UBR2: variants seen among roughly 807,000 people sequenced by gnomAD.
The protein encoded by UBR2 is E3 ubiquitin-protein ligase UBR2.
In UBR2, 92 loss-of-function variants were observed where a neutral mutation model predicts 247.9. The observed-to-expected ratio is 0.37, with a 90% CI of 0.31 to 0.44. The LOEUF is 0.44. UBR2 is among the 20% of genes least tolerant of loss of function. UBR2 has a pLI of 1.00. For missense variants in UBR2, 1,613 were observed against 2,112.6 expected (o/e 0.76, Z 4.64); for synonymous variants, 672 against 693.5 (o/e 0.97, Z 0.49).
intron 1 of UBR2, among the ~76,000 whole-genome samples, chr6:42,568,159 T>C (rs1790892989): frequency 6.6e-6 from 1 of 152,228 alleles, no homozygotes; most frequent in Non-Finnish European, 1.5e-5. Flanking sequence ...TATTGAGATA[T>C]AACTCACATA....
At chr6:42,632,958 C>CTTTTTTTTTTTTTTTTTA (rs1795847745) in intron 13 of UBR2, 54 bp downstream of exon 13, 1 of 610,588 alleles carries the variant, frequency 1.6e-6, no homozygotes, top group African/African-American at 2.6e-5. Flanking sequence ...TCTCTTTTCT[C>CTTTTTTTTTTTTTTTTTA]TTTTTTTTTT....
intron 1 of UBR2, among the ~76,000 whole-genome samples, chr6:42,572,986 G>C (rs887579406): frequency 1.2e-4 from 18 of 152,074 alleles, no homozygotes; most frequent in African/African-American, 4.3e-4. Flanking sequence ...AAGCTTTTCA[G>C]ATTTTTCGGT....
intron 2 of UBR2, among the ~76,000 whole-genome samples, chr6:42,575,108 T>G (rs1791422903): frequency 1.3e-5 from 2 of 152,358 alleles, no homozygotes; most frequent in South Asian, 4.1e-4. Flanking sequence ...AATTTTCTTT[T>G]CTGTATTTAA....
intron 30 of UBR2, 26 bp from the exon 31 acceptor site, chr6:42,662,158 T>G (rs1455343184): frequency 6.9e-7 from 1 of 1,439,832 alleles, no homozygotes; most frequent in Non-Finnish European, 9.6e-7. Context: ...CACTTTTGTT[T>G]TGTTTTGTTT....
intron 2 of UBR2, among the ~76,000 whole-genome samples, chr6:42,581,140 A>G (rs1791869617): frequency 6.6e-6 from 1 of 150,506 alleles, no homozygotes; most frequent in Non-Finnish European, 1.5e-5. Context: ...CAGCCTCCCA[A>G]ATAGCTAGGA....
chr6:42,605,901 T>C, intron 6 of UBR2, 42 bp downstream of exon 6: 1 of 1,538,996 alleles, frequency 6.5e-7, no homozygotes, highest in Non-Finnish European at 8.8e-7. Flanking sequence ...GAATTTTTAC[T>C]ATAGGTAAGT....
Position 42,573,736 on chromosome 6 carries a change from A to G in UBR2, c.81A>G (p.Lys27=), listed in dbSNP as rs761667811. 6.6e-7 allele frequency: 1 copy of G among 1,512,522 alleles called. No homozygotes were observed. Among genetic ancestry groups the G allele is most frequent in the Non-Finnish European group, 8.9e-7 (1 of 1,127,000 alleles). 93.7% of individuals were successfully genotyped at this position (1,512,522 alleles called of 1,614,324 possible). The stretch of plus-strand genomic sequence containing the variant: ...TCTTCTCTTTTCTTCTTTTAAAGAA[A>G]TGGCTGCAAGCAACTGACCTCACTA... The part of the protein sequence containing the change: ...LECSAEEIAG[K]WLQATDLTRE... Residue 27 remains lysine, a splice_region_variant and synonymous_variant, in exon 2 of 47, where the codon AAA becomes AAG. Transcript: ENST00000372901.
At chr6:42,602,970 T>C (rs1793481790) in intron 4 of UBR2, among the ~76,000 whole-genome samples, 1 of 152,184 alleles carries the variant, frequency 6.6e-6, no homozygotes, top group African/African-American at 2.4e-5. Context: ...TGATTAAACA[T>C]AGCATAAAGT....
At chr6:42,619,577 C>T (rs2151942755) in intron 11 of UBR2, 1 of 223,708 alleles carries the variant, frequency 4.5e-6, no homozygotes, top group Non-Finnish European at 8.6e-6. Context: ...GGTGAAACCC[C>T]ATCTCTACTA....
chr6:42,572,159 CAAT>C (rs1791191148), intron 1 of UBR2, among the ~76,000 whole-genome samples: 1 of 151,926 alleles, frequency 6.6e-6, no homozygotes, highest in Non-Finnish European at 1.5e-5. Context: ...GTAAACACAA[CAAT>C]GTTAGTAATA....
intron 15 of UBR2, 48 bp downstream of exon 15, chr6:42,637,242 G>A (rs752862378): frequency 2.6e-6 from 4 of 1,560,022 alleles, no homozygotes; most frequent in East Asian, 2.3e-5. Context: ...CTTTTAAATT[G>A]TTGTTTGTGG....
intron 32 of UBR2, among the ~76,000 whole-genome samples, chr6:42,663,742 A>G (rs73424421): frequency 0.011 from 1,718 of 152,304 alleles, 26 homozygotes; most frequent in African/African-American, 0.04. Flanking sequence ...GTAGAGGGAG[A>G]TGGAACAACT....
chr6:42,610,982 A>G (rs1396540450), intron 7 of UBR2, among the ~76,000 whole-genome samples: 1 of 151,010 alleles, frequency 6.6e-6, no homozygotes, highest in African/African-American at 2.4e-5. Flanking sequence ...AGTAGCTGGG[A>G]TTACAGGCAT....
At chr6:42,681,162 C>CA (rs59312824) in intron 42 of UBR2, among the ~76,000 whole-genome samples, 2,417 of 49,938 alleles carry the variant, frequency 0.048, 77 homozygotes, top group African/African-American at 0.12. Flanking sequence ...GACTCCGTCT[C>CA]AAAAAAAAAA....
At chr6:42,654,025 G>A (rs7750669) in intron 25 of UBR2, among the ~76,000 whole-genome samples, 1 of 151,996 alleles carries the variant, frequency 6.6e-6, no homozygotes, top group African/African-American at 2.4e-5. Context: ...GTTCCCTTAG[G>A]GTATATATTA....
chr6:42,600,036 T>C (rs1314302524), intron 4 of UBR2, among the ~76,000 whole-genome samples: 1 of 152,236 alleles, frequency 6.6e-6, no homozygotes, highest in Non-Finnish European at 1.5e-5. Flanking sequence ...TGAGGTTGTT[T>C]TGATGACTGC....
intron 13 of UBR2, chr6:42,634,278 G>A (rs1795946478): frequency 2.3e-6 from 1 of 425,780 alleles, no homozygotes; most frequent in South Asian, 1.7e-5. Flanking sequence ...ACAGAATCTA[G>A]AAGTAGAAAC....
chr6:42,632,068 A>AT (rs1554254876), intron 11 of UBR2, among the ~76,000 whole-genome samples: 10,380 of 108,326 alleles, frequency 0.096, 421 homozygotes, highest in Non-Finnish European at 0.12. Flanking sequence ...AAAAAAAAAA[A>AT]AATATATATA....
chr6:42,581,982 T>C (rs1791930187), intron 2 of UBR2, among the ~76,000 whole-genome samples: 1 of 152,148 alleles, frequency 6.6e-6, no homozygotes, highest in Admixed American at 6.5e-5. Flanking sequence ...AATCTGCAGC[T>C]TTTAATGATA....
Sources: gnomAD v4.1 joint callset for allele counts (sites outside exome capture counted in the v4.1 genomes callset) on GRCh38, gnomAD v4.1.1 for gene constraint, MANE v1.5 for transcripts, NCBI Gene and HGNC (gene_info 2026-07-23, HGNC 2026-07-21) for gene names.